The following SOX5 variants were observed in gnomAD, a reference collection of about 807,000 sequenced individuals.
The protein encoded by SOX5 is transcription factor SOX-5.
Under a neutral mutation model 92.0 loss-of-function variants are expected in SOX5, and 9 were observed. The observed-to-expected ratio is 0.10, with a 90% CI of 0.06 to 0.17. The LOEUF (loss-of-function observed/expected upper bound fraction) is 0.17, where lower values mean the gene tolerates loss of function less well. Ranked by LOEUF, SOX5 falls within the 10% of genes least tolerant of loss-of-function variation. The pLI is 1.00. For synonymous variants in SOX5, 344 were observed against 336.3 expected (o/e 1.02, Z -0.25); for missense variants, 642 against 944.5 (o/e 0.68, Z 4.20).
chr12:23,749,706 G>C (rs1002938466), intron 4 of SOX5, among the ~76,000 whole-genome samples: 1 of 151,918 alleles, frequency 6.6e-6, no homozygotes, highest in Admixed American at 6.6e-5. Flanking sequence ...AATGGAGACT[G>C]TAATTTTAGG....
intron 2 of SOX5, among the ~76,000 whole-genome samples, chr12:23,865,732 C>T (rs954482528): frequency 1.3e-5 from 2 of 152,136 alleles, no homozygotes; most frequent in Non-Finnish European, 2.9e-5. Flanking sequence ...ATAATGATTC[C>T]TCTGATGTAT....
intron 4 of SOX5, among the ~76,000 whole-genome samples, chr12:23,965,035 G>A (rs1264329858): frequency 1.3e-5 from 2 of 152,074 alleles, no homozygotes; most frequent in African/African-American, 4.8e-5. Flanking sequence ...CAGGGGGCGC[G>A]TGGTCAGCTC....
chr12:24,515,530 C>G (rs1357687379), intron 1 of SOX5, among the ~76,000 whole-genome samples: 1 of 152,116 alleles, frequency 6.6e-6, no homozygotes, highest in East Asian at 1.9e-4. Flanking sequence ...GACACTCTAG[C>G]AATTTTTAAA....
intron 3 of SOX5, among the ~76,000 whole-genome samples, chr12:23,844,380 C>CCT (rs1368324086): frequency 4.6e-5 from 7 of 152,096 alleles, no homozygotes; most frequent in Non-Finnish European, 8.8e-5. Flanking sequence ...TAAAGCTAAT[C>CCT]ATAAAAAATT....
upstream of SOX5, chr12:23,951,073 C>T (rs544295494): frequency 7.7e-5 from 37 of 481,842 alleles, no homozygotes; most frequent in East Asian, 1.2e-4. Flanking sequence ...TTACAGAGCC[C>T]GCCCCAATAA....
intron 1 of SOX5, among the ~76,000 whole-genome samples, chr12:24,505,311 G>A (rs1238105249): frequency 6.6e-6 from 1 of 152,152 alleles, no homozygotes; most frequent in Non-Finnish European, 1.5e-5. Flanking sequence ...AGAACTCACA[G>A]AAACAAAAGG....
chr12:24,325,383 C>T (rs1950581581), intron 2 of SOX5, among the ~76,000 whole-genome samples: 1 of 152,056 alleles, frequency 6.6e-6, no homozygotes, highest in Non-Finnish European at 1.5e-5. Flanking sequence ...CAATGTTTAT[C>T]ATATCTCAGA....
chr12:23,761,970 A>G (rs184003004), intron 3 of SOX5, among the ~76,000 whole-genome samples: 29 of 152,242 alleles, frequency 1.9e-4, no homozygotes, highest in Admixed American at 1.1e-3. Context: ...GTTGCTATTT[A>G]TTAAGTTATG....
intron 8 of SOX5, among the ~76,000 whole-genome samples, chr12:23,615,412 C>T (rs1251787385): frequency 1.3e-5 from 2 of 151,972 alleles, no homozygotes; most frequent in African/African-American, 2.4e-5. Flanking sequence ...AAACTTGTGT[C>T]AGGGGAATTG....
At chr12:24,223,371 G>A (rs1441999563) in intron 3 of SOX5, 1 of 152,112 alleles carries the variant, frequency 6.6e-6, no homozygotes, top group Non-Finnish European at 1.5e-5. Context: ...CATTGTCTTT[G>A]GATTTACATC....
chr12:23,631,022 C>T (rs898871592), intron 8 of SOX5, among the ~76,000 whole-genome samples: 1 of 151,982 alleles, frequency 6.6e-6, no homozygotes, highest in African/African-American at 2.4e-5. Context: ...AGACTCCACC[C>T]TATGTTACAA....
intron 4 of SOX5, among the ~76,000 whole-genome samples, chr12:24,099,031 T>C (rs1945761940): frequency 6.6e-6 from 1 of 152,170 alleles, no homozygotes; most frequent in African/African-American, 2.4e-5. Context: ...AATTTTTGTT[T>C]GCCACTTCTC....
intron 1 of SOX5, among the ~76,000 whole-genome samples, chr12:24,373,108 G>C (rs1956910844): frequency 6.9e-6 from 1 of 144,920 alleles, no homozygotes; most frequent in South Asian, 2.2e-4. Flanking sequence ...ACAAACCTGA[G>C]ACCCAGTGTC....
intron 2 of SOX5, among the ~76,000 whole-genome samples, chr12:23,881,828 CTG>C (rs1181656952): frequency 6.6e-6 from 1 of 151,960 alleles, no homozygotes; most frequent in African/African-American, 2.4e-5. Flanking sequence ...AAAGTGTCAT[CTG>C]TGTAGTTCTC....
intron 2 of SOX5, among the ~76,000 whole-genome samples, chr12:23,876,179 G>A (rs1194358849): frequency 6.6e-6 from 1 of 152,162 alleles, no homozygotes; most frequent in East Asian, 1.9e-4. Flanking sequence ...TCTCATCACA[G>A]TGAACAGGCA....
intron 1 of SOX5, among the ~76,000 whole-genome samples, chr12:24,378,439 G>T (rs1180921803): frequency 6.6e-6 from 1 of 152,152 alleles, no homozygotes. Flanking sequence ...TCTTAAAAGG[G>T]TTTCCATTGT....
intron 4 of SOX5, among the ~76,000 whole-genome samples, chr12:24,129,571 C>T (rs1389817315): frequency 6.6e-6 from 1 of 152,114 alleles, no homozygotes; most frequent in Non-Finnish European, 1.5e-5. Context: ...TTTTTAATTG[C>T]ACATGGAGGG....
intron 1 of SOX5, among the ~76,000 whole-genome samples, chr12:24,476,643 C>A (rs1945411729): frequency 6.6e-6 from 1 of 152,172 alleles, no homozygotes; most frequent in Non-Finnish European, 1.5e-5. Context: ...ACGGCACTCT[C>A]TGCTTCCCTC....
chr12:24,068,680 A>G lies in SOX5; in HGVS notation c.-2+144663T>C, dbSNP rs867245791. Among the ~76,000 whole-genome samples the G allele has an allele frequency of 1.0e-3, 66 of 63,132 alleles. 1 individual carries two copies. The highest frequency in any genetic ancestry group is 4.2e-3 in the East Asian group (4 of 950). 41.4% of individuals were successfully genotyped at this position (63,132 alleles called of 152,430 possible). A position where few individuals can be genotyped will look rare whatever the true frequency, so the allele number is the denominator to read the frequency against. ...TTATTTTTAGAAAGGTCAAAGTCGT[A>G]TGTGTGTGTGTGTGTGTGTGTGTGT... On this transcript the variant is annotated intron_variant, in intron 4 of 4. Transcript: ENST00000446891.
Sources: allele counts gnomAD v4.1 joint callset (sites outside exome capture counted in the v4.1 genomes callset), GRCh38; gene constraint gnomAD v4.1.1; transcripts MANE v1.5; gene names NCBI Gene and HGNC (gene_info 2026-07-23, HGNC 2026-07-21).